The following PTPRH variants were observed in gnomAD, a reference collection of about 807,000 sequenced individuals.
The protein encoded by PTPRH is receptor-type tyrosine-protein phosphatase H.
PTPRH carries 113 observed loss-of-function variants against 130.2 expected under a neutral mutation model. That is an observed-to-expected ratio of 0.87 (90% CI 0.75 to 1.01). The LOEUF (loss-of-function observed/expected upper bound fraction) is 1.01, where lower values mean the gene tolerates loss of function less well. Among genes scored for constraint, PTPRH ranks in the 50% least tolerant of loss-of-function variants. The probability of loss-of-function intolerance (pLI) is 0.00; values close to 1 mark genes in which losing one functional copy is unlikely to be tolerated. For missense variants in PTPRH, 1,430 were observed against 1,425.0 expected, an observed-to-expected ratio of 1.00 and a Z score of -0.06; for synonymous variants, 556 against 577.9, an observed-to-expected ratio of 0.96 and a Z score of 0.54.
Position 55,206,918 on chromosome 19 carries a change from C to G in PTPRH, c.123G>C (p.Gln41His). The change falls in exon 3 of 20, where the codon CAG becomes CAC. Residue 41 changes from glutamine (Q) to histidine (H), a missense_variant. Transcript: ENST00000376350. ...NPGRNLTVET[Q>H]TTSSISLSWE... Reference sequence around the variant, plus strand: ...AGCTCAGGGAGATGGAGCTGGTGGTCTGAGTCTCCACTGTCAGGTTCCTCC... The same window carrying G: ...AGCTCAGGGAGATGGAGCTGGTGGTGTGAGTCTCCACTGTCAGGTTCCTCC... 1.2e-6 allele frequency: 2 copies of G among 1,610,428 alleles called. No homozygotes were observed. The highest frequency in any genetic ancestry group is 1.7e-6 in the Non-Finnish European group (2 of 1,177,632).
At chr19:55,184,599 C>A (rs2086265690) in intron 18 of PTPRH, among the ~76,000 whole-genome samples, 1 of 151,794 alleles carries the variant, frequency 6.6e-6, no homozygotes, top group African/African-American at 2.4e-5. Context: ...CCAGCCTGGC[C>A]AACATGGTGA....
chr19:55,183,782 GC>G (rs2086243697), intron 18 of PTPRH, among the ~76,000 whole-genome samples: 2 of 152,138 alleles, frequency 1.3e-5, no homozygotes, highest in African/African-American at 4.8e-5. Flanking sequence ...ACGCTGTGCA[GC>G]CCCCACCTCT....
intron 16 of PTPRH, 72 bp from the exon 17 acceptor site, chr19:55,186,056 A>G: frequency 1.2e-6 from 2 of 1,606,804 alleles, no homozygotes; most frequent in Non-Finnish European, 1.7e-6. Flanking sequence ...TTAGGCCCCA[A>G]ATGTGAACCA....
chr19:55,191,344 A>G (rs1441007907), intron 12 of PTPRH, among the ~76,000 whole-genome samples, 157 bp downstream of exon 12: 2 of 152,150 alleles, frequency 1.3e-5, no homozygotes, highest in Admixed American at 1.3e-4. Flanking sequence ...GTGAGTCACG[A>G]TGGAAGGGCC....
chr19:55,191,896 A>T, intron 10 of PTPRH, 155 bp from the exon 11 acceptor site: 2 of 733,740 alleles, frequency 2.7e-6, no homozygotes, highest in Non-Finnish European at 4.9e-6. Context: ...GTCCAGTTAT[A>T]CTTACGCGCT....
chr19:55,187,338 C>T (rs1367091062), intron 14 of PTPRH, among the ~76,000 whole-genome samples, 175 bp downstream of exon 14: 17 of 104,390 alleles, frequency 1.6e-4, no homozygotes, highest in South Asian at 7.0e-4. Flanking sequence ...GAGCGAGACT[C>T]CGTCTCAAAA....
In PTPRH at chr19:55,185,611, G is replaced by A. The variant is rs764784132; in HGVS notation, c.2953C>T (p.Pro985Ser). The part of the protein sequence containing the change: ...SVRQFHYQAW[P>S]DHGVPSSPDT... ...GGGGAGGAGGGAACGCCGTGATCCG[G>A]CCAGGCCTGGTAGTGGAATTGGCGC... Residue 985 changes from proline to serine, a missense_variant, in exon 18 of 20, where the codon CCG (proline) becomes TCG (serine). Coordinates refer to ENST00000376350, the MANE Select transcript of PTPRH (RefSeq NM_002842.5). 6.2e-7 allele frequency: 1 copy of A among 1,614,200 alleles called. No individual in the cohort carries two copies. Among genetic ancestry groups the A allele is most frequent in the Non-Finnish European group, 8.5e-7 (1 of 1,180,028 alleles).
chr19:55,182,162 C>A lies in PTPRH; in HGVS notation c.3063-11G>T. On this transcript the variant is annotated splice_polypyrimidine_tract_variant and intron_variant, in intron 18 of 19. Coordinates refer to ENST00000376350, the MANE Select transcript of PTPRH (RefSeq NM_002842.5). The stretch of plus-strand genomic sequence containing the variant: ...CGACCCACGCCAGCACTAGGCAGAA[C>A]AAGGGAAGGGTCAGACCAAGGGGCA... 6.2e-7 allele frequency: 1 copy of A among 1,612,756 alleles called. No individual in the cohort carries two copies. Among genetic ancestry groups the A allele is most frequent in the Non-Finnish European group, 8.5e-7 (1 of 1,179,788 alleles).
chr19:55,204,929 C>T (rs2086995192), intron 4 of PTPRH, among the ~76,000 whole-genome samples: 1 of 152,184 alleles, frequency 6.6e-6, no homozygotes, highest in African/African-American at 2.4e-5. Flanking sequence ...GGGAGCTCTC[C>T]ACATCAGGAT....
chr19:55,196,591 T>C lies in PTPRH; in HGVS notation c.2188A>G (p.Thr730Ala). 1 of 1,613,800 alleles carries C rather than the reference T, an allele frequency of 6.2e-7. No individual in the cohort carries two copies. The highest frequency in any genetic ancestry group is 8.5e-7 in the Non-Finnish European group (1 of 1,179,960). The change falls in exon 10 of 20, where the codon ACC becomes GCC. Residue 730 changes from threonine to alanine, a missense_variant. Physicochemically the swap from Thr to Ala is moderately conservative, Grantham distance 58 (BLOSUM62 0). Coordinates refer to ENST00000376350, the MANE Select transcript of PTPRH (RefSeq NM_002842.5). ...GLGPARSYPATITTIWDGMKV... is the reference protein window; with the variant it reads ...GLGPARSYPAAITTIWDGMKV... Reference sequence around the variant, plus strand: ...ATTCCGTCCCAGATGGTCGTGATGGTGGCTGGGTAGGACCGAGCCGGCCCG... The same window carrying C: ...ATTCCGTCCCAGATGGTCGTGATGGCGGCTGGGTAGGACCGAGCCGGCCCG...
At chr19:55,190,505 TTA>T (rs1453621914) in intron 12 of PTPRH, among the ~76,000 whole-genome samples, 1 of 140,768 alleles carries the variant, frequency 7.1e-6, no homozygotes, top group East Asian at 2.0e-4. Flanking sequence ...ATATATTATA[TTA>T]TATATAATGT....
chr19:55,184,293 A>G (rs969438984), intron 18 of PTPRH, among the ~76,000 whole-genome samples: 1 of 151,456 alleles, frequency 6.6e-6, no homozygotes, highest in African/African-American at 2.4e-5. Flanking sequence ...TCCAAAATAA[A>G]CAAACAAATA....
chr19:55,203,100 G>A (rs1180673236), intron 5 of PTPRH, among the ~76,000 whole-genome samples: 3 of 151,546 alleles, frequency 2.0e-5, no homozygotes, highest in Non-Finnish European at 2.9e-5. Context: ...AGGCCAAGGC[G>A]GGTGGATCAC....
At chr19:55,187,220 C>T (rs1278902505) in intron 14 of PTPRH, among the ~76,000 whole-genome samples, 1 of 148,710 alleles carries the variant, frequency 6.7e-6, no homozygotes, top group African/African-American at 2.5e-5. Flanking sequence ...TGGCGGGCAC[C>T]TGTAGTCCCA....
intron 10 of PTPRH, among the ~76,000 whole-genome samples, chr19:55,195,112 G>A (rs1042528093): frequency 5.9e-5 from 9 of 152,062 alleles, no homozygotes; most frequent in African/African-American, 1.9e-4. Flanking sequence ...ATCACCGGAG[G>A]TCAGGAGTTT....
chr19:55,191,968 C>T (rs2086554253), intron 10 of PTPRH: 1 of 661,702 alleles, frequency 1.5e-6, no homozygotes, highest in Non-Finnish European at 2.8e-6. Context: ...ACCTCCTCCT[C>T]CTCCTCCGCC....
At position 55,202,162 on chromosome 19, in the gene PTPRH, G is replaced by A. The variant is rs760018102; in HGVS notation, c.1047C>T (p.Thr349=). ...GTTCAAGTCTATCCACGGTGATGTT[G>A]GTGTGTGCTGTGCTTCGAGTCCCTG... ...GRAGTRSTAH[T]NITVDRLEPG... The change falls in exon 6 of 20, where the codon ACC becomes ACT. Residue 349 remains threonine, a synonymous_variant. Transcript: ENST00000376350. 4.3e-6 allele frequency: 7 copies of A among 1,614,046 alleles called. No individual in the cohort carries two copies. The highest frequency in any genetic ancestry group is 2.7e-5 in the African/African-American group (2 of 74,916).
At chr19:55,207,092 AC>A (rs1237928089) in intron 2 of PTPRH, 73 bp downstream of exon 2, 5 of 1,593,732 alleles carry the variant, frequency 3.1e-6, no homozygotes, top group Admixed American at 1.7e-5. Flanking sequence ...CCCCACGGGG[AC>A]CCCCCAGAGG....
intron 6 of PTPRH, among the ~76,000 whole-genome samples, chr19:55,201,716 A>G (rs2086868958): frequency 6.6e-6 from 1 of 152,228 alleles, no homozygotes; most frequent in Non-Finnish European, 1.5e-5. Context: ...GAAGAGTCAG[A>G]GGGTCAGAGT....
Sources: gnomAD v4.1 joint callset for allele counts (sites outside exome capture counted in the v4.1 genomes callset) on GRCh38, gnomAD v4.1.1 for gene constraint, MANE v1.5 for transcripts, NCBI Gene and HGNC (gene_info 2026-07-23, HGNC 2026-07-21) for gene names.